SHISA6: variants seen among roughly 807,000 people sequenced by gnomAD.
SHISA6 encodes shisa family member 6.
SHISA6 carries 22 observed loss-of-function variants against 47.9 expected under a neutral mutation model. The ratio of observed to expected loss-of-function variants is 0.46; its 90% confidence interval spans 0.33 to 0.66. SHISA6 has a LOEUF of 0.66. Ranked by LOEUF, SHISA6 falls within the 30% of genes least tolerant of loss-of-function variation. SHISA6 has a pLI of 0.02. For missense variants in SHISA6, 680 were observed against 764.6 expected (o/e 0.89, Z 1.30); for synonymous variants, 388 against 337.8 (o/e 1.15, Z -1.63).
intron 3 of SHISA6, among the ~76,000 whole-genome samples, chr17:11,465,016 T>G (rs1263342552): frequency 6.6e-6 from 1 of 152,140 alleles, no homozygotes; most frequent in Non-Finnish European, 1.5e-5. Flanking sequence ...TGTTTCTAGT[T>G]TTTTCATATA....
intron 1 of SHISA6, among the ~76,000 whole-genome samples, chr17:11,248,151 T>C (rs1406354438): frequency 6.6e-6 from 1 of 152,102 alleles, no homozygotes; most frequent in Non-Finnish European, 1.5e-5. Context: ...CCTCAGAGGG[T>C]CTCAGTCCCT....
intron 4 of SHISA6, among the ~76,000 whole-genome samples, chr17:11,554,812 C>T (rs2071961376): frequency 6.6e-6 from 1 of 152,006 alleles, no homozygotes; most frequent in Non-Finnish European, 1.5e-5. Flanking sequence ...GTCCCCTCAT[C>T]CTCACTGCCT....
chr17:11,295,807 C>CA (rs1386407656), intron 2 of SHISA6, among the ~76,000 whole-genome samples: 2 of 151,712 alleles, frequency 1.3e-5, no homozygotes, highest in Non-Finnish European at 2.9e-5. Flanking sequence ...ACTAAAAATA[C>CA]AAAAAATTAG....
In SHISA6 at chr17:11,254,971, T is replaced by G. The variant is rs73293726; in HGVS notation, c.639-8395T>G. On this transcript the variant is annotated intron_variant, in intron 1 of 5. Transcript: ENST00000441885. Reference sequence around the variant, plus strand: ...AGAGCAACATGTGGATCTCAGTAATTCAGATGCAACTTAAAGATCTGGTTT... The same window carrying G: ...AGAGCAACATGTGGATCTCAGTAATGCAGATGCAACTTAAAGATCTGGTTT... Among the ~76,000 whole-genome samples the G allele has an allele frequency of 3.6e-3, 545 of 152,290 alleles. 1 individual carries two copies. Among genetic ancestry groups the G allele is most frequent in the African/African-American group, 0.013 (524 of 41,574 alleles).
At chr17:11,510,300 A>G (rs539966416) in intron 3 of SHISA6, among the ~76,000 whole-genome samples, 1 of 152,268 alleles carries the variant, frequency 6.6e-6, no homozygotes, top group East Asian at 1.9e-4. Flanking sequence ...CAGAGCCACC[A>G]TGTCCTTACC....
At position 11,551,917 on chromosome 17, in the gene SHISA6, C is replaced by T. The variant is rs1030580278; in HGVS notation, c.917C>T (p.Pro306Leu). Residue 306 changes from proline to leucine, a missense_variant, in exon 4 of 6, where the codon CCG (proline) becomes CTG (leucine). By Grantham distance (98) the Pro-to-Leu change is moderately conservative. Transcript: ENST00000441885. Reference sequence around the variant, plus strand: ...TCAGGTGATCATCAATATAACCATCCGATTTTGAGCAGTGTTACCCAGATC... The same window carrying T: ...TCAGGTGATCATCAATATAACCATCTGATTTTGAGCAGTGTTACCCAGATC... ...HTKGDHQYNH[P>L]ILSSVTQIPP... 32 of 1,551,532 alleles carry T rather than the reference C, an allele frequency of 2.1e-5. No individual in the cohort carries two copies. Among genetic ancestry groups the T allele is most frequent in the African/African-American group, 4.1e-5 (3 of 73,036 alleles).
intron 2 of SHISA6, among the ~76,000 whole-genome samples, chr17:11,355,260 C>T (rs1912043167): frequency 6.6e-6 from 1 of 152,220 alleles, no homozygotes; most frequent in South Asian, 2.1e-4. Flanking sequence ...TCCTGAGAAG[C>T]TGTTCCATCA....
intron 2 of SHISA6, among the ~76,000 whole-genome samples, chr17:11,307,555 A>G (rs1001254512): frequency 1.3e-5 from 2 of 152,212 alleles, no homozygotes; most frequent in Non-Finnish European, 2.9e-5. Flanking sequence ...TCATAGGCAC[A>G]TAGCCACACC....
chr17:11,259,306 C>T (rs907395113), intron 1 of SHISA6, among the ~76,000 whole-genome samples: 45 of 152,126 alleles, frequency 3.0e-4, no homozygotes, highest in African/African-American at 9.4e-4. Flanking sequence ...TACATAACCT[C>T]TAAAAGTTTT....
At chr17:11,525,660 A>AAAAAAAAAAAC (rs1567629394) in intron 3 of SHISA6, among the ~76,000 whole-genome samples, 1 of 149,350 alleles carries the variant, frequency 6.7e-6, no homozygotes. Context: ...AACAAAAAAA[A>AAAAAAAAAAAC]AAAAACGTGT....
Position 11,276,577 on chromosome 17 carries a change from TAAC to T in SHISA6, c.799+13053_799+13055del, listed in dbSNP as rs1014487888. Among the ~76,000 whole-genome samples, 116 of 152,218 alleles carry T rather than the reference TAAC, an allele frequency of 7.6e-4. 1 individual carries two copies. The highest frequency in any genetic ancestry group is 2.7e-3 in the African/African-American group (113 of 41,524). On this transcript the variant is annotated intron_variant, in intron 2 of 5. Transcript: ENST00000441885. ...CTGTCTTCCTCCCTCTCCTTTTCCT[TAAC>T]ATCATCATCATCGTTGTCACCACCA...
chr17:11,304,380 G>C (rs188458024), intron 2 of SHISA6, among the ~76,000 whole-genome samples: 2 of 152,258 alleles, frequency 1.3e-5, no homozygotes, highest in African/African-American at 2.4e-5. Context: ...CTACAGCTTT[G>C]ATCTCAACAC....
At chr17:11,270,754 C>G (rs1908610610) in intron 2 of SHISA6, among the ~76,000 whole-genome samples, 1 of 152,216 alleles carries the variant, frequency 6.6e-6, no homozygotes, top group Admixed American at 6.5e-5. Context: ...TTGTCAGCCC[C>G]TCTCTGAAAG....
At chr17:11,281,071 T>G (rs868210599) in intron 2 of SHISA6, among the ~76,000 whole-genome samples, 7 of 152,224 alleles carry the variant, frequency 4.6e-5, no homozygotes, top group Non-Finnish European at 7.3e-5. Flanking sequence ...TTTTCATAGA[T>G]TTTTAGAATT....
chr17:11,516,496 A>C (rs2071586849), intron 3 of SHISA6, among the ~76,000 whole-genome samples: 1 of 152,186 alleles, frequency 6.6e-6, no homozygotes, highest in Admixed American at 6.5e-5. Context: ...AAAGACACTA[A>C]ATCACTGATG....
At position 11,552,268 on chromosome 17, in the gene SHISA6, G is replaced by A. The variant is rs183288642; in HGVS notation, c.952+316G>A. Among the ~76,000 whole-genome samples, 358 of 152,294 alleles carry A rather than the reference G, an allele frequency of 2.4e-3. 2 individuals are homozygous for A. The highest frequency in any genetic ancestry group is 3.9e-3 in the Admixed American group (59 of 15,298). Reference sequence around the variant, plus strand: ...ATTCCATATGTCCACAGCAAGGAGTGGAACACCCTCCTTTGTTCAAAGCTA... The same window carrying A: ...ATTCCATATGTCCACAGCAAGGAGTAGAACACCCTCCTTTGTTCAAAGCTA... On this transcript the variant is annotated intron_variant, in intron 4 of 5. Transcript: ENST00000441885.
At chr17:11,338,385 C>T (rs986752569) in intron 2 of SHISA6, among the ~76,000 whole-genome samples, 2 of 151,914 alleles carry the variant, frequency 1.3e-5, no homozygotes, top group Non-Finnish European at 1.5e-5. Context: ...ATACCAGAAG[C>T]CTTTTTTGTT....
At chr17:11,324,658 C>T (rs1217289357) in intron 2 of SHISA6, among the ~76,000 whole-genome samples, 1 of 152,144 alleles carries the variant, frequency 6.6e-6, no homozygotes, top group Admixed American at 6.5e-5. Flanking sequence ...CGTTCAACTC[C>T]TCAAGACCCT....
intron 2 of SHISA6, among the ~76,000 whole-genome samples, chr17:11,379,136 T>C (rs868628871): frequency 6.7e-6 from 1 of 148,366 alleles, no homozygotes; most frequent in Non-Finnish European, 1.5e-5. Flanking sequence ...TAGATATATA[T>C]ATAAGTATAT....
Sources: gnomAD v4.1 joint callset for allele counts (sites outside exome capture counted in the v4.1 genomes callset) on GRCh38, gnomAD v4.1.1 for gene constraint, MANE v1.5 for transcripts, NCBI Gene and HGNC (gene_info 2026-07-23, HGNC 2026-07-21) for gene names.